PCDHGB2: variants seen among roughly 807,000 people sequenced by gnomAD.
The protein encoded by PCDHGB2 is protocadherin gamma-B2.
A neutral mutation model predicts 59.3 loss-of-function variants in PCDHGB2; 55 were observed. That is an observed-to-expected ratio of 0.93 (90% confidence interval 0.75 to 1.16). The LOEUF is 1.16. PCDHGB2 is among the 50% of genes most tolerant of loss of function. PCDHGB2 has a pLI of 0.00. For synonymous variants in PCDHGB2, 516 were observed against 512.0 expected, an observed-to-expected ratio of 1.01 and a Z score of -0.11; for missense variants, 1,228 against 1,198.5, an observed-to-expected ratio of 1.02 and a Z score of -0.36.
chr5:141,383,352 G>T lies in PCDHGB2; in HGVS notation c.2421+20796G>T, dbSNP rs115561507. On this transcript the variant is annotated intron_variant, in intron 1 of 3. Coordinates refer to ENST00000522605, the MANE Select transcript of PCDHGB2 (RefSeq NM_018923.3). ...TGGAGAATACAGCTCCTGGGGTTCG[G>T]TTTCCGTTAAGCGAGGCTGGGGATC... The T allele has an allele frequency of 9.3e-4, 1,504 of 1,614,018 alleles. 9 individuals carry two copies. In the African/African-American group the frequency reaches 0.016, roughly 17 times the overall value.
chr5:141,372,258 C>T (rs762173867), intron 1 of PCDHGB2: 1 of 1,613,070 alleles, frequency 6.2e-7, no homozygotes, highest in African/African-American at 1.3e-5. Context: ...CCTGGGCCTG[C>T]GCACGGGTGA....
intron 1 of PCDHGB2, chr5:141,421,579 T>G (rs753573473): frequency 1.9e-6 from 3 of 1,613,816 alleles, no homozygotes; most frequent in Non-Finnish European, 2.5e-6. Context: ...CTTGAAGATT[T>G]ACGGAGTGGA....
intron 1 of PCDHGB2, chr5:141,413,618 A>C (rs1188549125): frequency 6.2e-7 from 1 of 1,613,916 alleles, no homozygotes; most frequent in Admixed American, 1.7e-5. Context: ...AAAATTAATG[A>C]AAATGTCGCT....
chr5:141,473,763 GGATTTGGT>G (rs1358359618), intron 1 of PCDHGB2, among the ~76,000 whole-genome samples: 73 of 152,322 alleles, frequency 4.8e-4, no homozygotes, highest in African/African-American at 1.7e-3. Context: ...ACTATGCAAA[GGATTTGGT>G]ATTTTAATTC....
At position 141,477,269 on chromosome 5, in the gene PCDHGB2, G is replaced by A; in HGVS notation, c.2422-17538G>A. On this transcript the variant is annotated intron_variant, in intron 1 of 3. Coordinates refer to ENST00000522605, the MANE Select transcript of PCDHGB2 (RefSeq NM_018923.3). This position sits in a 1 kb window ranked among gnomAD's most constrained non-coding sequence, Gnocchi z 4.9. Reference sequence around the variant, plus strand: ...GACTGACCTGGATGCTGGCGAGAACGGGCTGGTGACCTGCGAAGTTCCACC... The same window carrying A: ...GACTGACCTGGATGCTGGCGAGAACAGGCTGGTGACCTGCGAAGTTCCACC... 1.9e-6 allele frequency: 3 copies of A among 1,614,154 alleles called. No individual in the cohort carries two copies. Among genetic ancestry groups the A allele is most frequent in the Non-Finnish European group, 2.5e-6 (3 of 1,180,030 alleles).
rs1413288410 is a variant in PCDHGB2 at position 141,392,726 on chromosome 5, T to C, written c.2421+30170T>C. On this transcript the variant is annotated intron_variant, in intron 1 of 3. Transcript: ENST00000522605. The stretch of plus-strand genomic sequence containing the variant: ...GGAGGCACTCCAGGTTTCCGGAGGA[T>C]TGTCATCTCCATAGCTGCGGCAAGA... 4.3e-6 allele frequency: 6 copies of C among 1,399,264 alleles called. No individual in the cohort carries two copies. The African/African-American group carries it at 8.7e-5, about 20-fold the overall frequency. 86.7% of individuals were successfully genotyped at this position (1,399,264 alleles called of 1,614,324 possible).
intron 1 of PCDHGB2, among the ~76,000 whole-genome samples, chr5:141,424,873 A>G (rs549945556): frequency 3.9e-5 from 6 of 152,198 alleles, no homozygotes; most frequent in Non-Finnish European, 8.8e-5. Context: ...CAAATGAGGA[A>G]AGGAGACTTA....
At chr5:141,390,922 A>G (rs935110449) in intron 1 of PCDHGB2, 8 of 152,482 alleles carry the variant, frequency 5.2e-5, no homozygotes, top group Non-Finnish European at 1.0e-4. Context: ...AAGGTCTACT[A>G]TGCTCATTAG....
At chr5:141,416,698 A>G (rs2096053724) in intron 1 of PCDHGB2, 1 of 152,250 alleles carries the variant, frequency 6.6e-6, no homozygotes, top group Non-Finnish European at 1.5e-5. Context: ...TAAACAAAGG[A>G]TCATTGGAGG....
chr5:141,393,815 C>T (rs2092850609), intron 1 of PCDHGB2: 1 of 1,613,922 alleles, frequency 6.2e-7, no homozygotes, highest in Non-Finnish European at 8.5e-7. Context: ...CCAAATTGCT[C>T]ATTTCGGTGG....
At chr5:141,507,932 G>C (rs2099865030) in intron 3 of PCDHGB2, 1 of 152,338 alleles carries the variant, frequency 6.6e-6, no homozygotes, top group Admixed American at 6.5e-5. Context: ...TGCTGAGAGG[G>C]GTTAAGTAAG....
In PCDHGB2 at chr5:141,398,686, G is replaced by A. The variant is rs2093688431; in HGVS notation, c.2421+36130G>A. On this transcript the variant is annotated intron_variant, in intron 1 of 3. Coordinates refer to ENST00000522605, the MANE Select transcript of PCDHGB2 (RefSeq NM_018923.3). ...CTCATTAATAATTAAGGAGAAACAG[G>A]ATGGTAGTAAATACCCGGAACTGGC... 3 of 1,613,920 alleles carry A rather than the reference G, an allele frequency of 1.9e-6. No individual in the cohort carries two copies. The East Asian group carries it at 6.7e-5, about 36-fold the overall frequency.
Position 141,423,286 on chromosome 5 carries a change from ACCT to A in PCDHGB2, c.2421+60732_2421+60734del, listed in dbSNP as rs554024395. 8.7e-3 allele frequency: 13,966 copies of A among 1,613,746 alleles called. 98 individuals are homozygous for A. The highest frequency in any genetic ancestry group is 0.011 in the Middle Eastern group (68 of 6,062). ...CCTCGAGTCTCTGGCTAACTCTGAAACCTCAGACCTCTCGCTGTACTTGGTGGT... is the reference window on the plus strand; with the variant it reads ...CCTCGAGTCTCTGGCTAACTCTGAAACAGACCTCTCGCTGTACTTGGTGGT... On this transcript the variant is annotated intron_variant, in intron 1 of 3. Transcript: ENST00000522605.
intron 1 of PCDHGB2, chr5:141,427,307 T>C (rs745903769): frequency 4.4e-6 from 2 of 456,906 alleles, no homozygotes; most frequent in South Asian, 1.5e-5. Flanking sequence ...AGAATGACAA[T>C]GCCCCAGACG....
chr5:141,372,295 A>T (rs747911536), intron 1 of PCDHGB2: 2 of 1,613,304 alleles, frequency 1.2e-6, no homozygotes, highest in Non-Finnish European at 1.7e-6. Context: ...ACCTTGGGCG[A>T]CAGGGAGGCC....
intron 1 of PCDHGB2, among the ~76,000 whole-genome samples, chr5:141,438,397 C>A (rs950830331): frequency 6.6e-6 from 1 of 151,624 alleles, no homozygotes. Context: ...TCATCATTAA[C>A]TCTCTGAAGT....
Position 141,485,166 on chromosome 5 carries a change from C to T in PCDHGB2, c.2422-9641C>T, listed in dbSNP as rs1180453938. 2 of 1,606,374 alleles carry T rather than the reference C, an allele frequency of 1.2e-6. No individual in the cohort carries two copies. Among genetic ancestry groups the T allele is most frequent in the Non-Finnish European group, 8.5e-7 (1 of 1,174,214 alleles). ...CAGGAGCAAGTAGAGAATTAGCGGG[C>T]GGCAGCAATGCTCCGCAAGGTGAGA... On this transcript the variant is annotated intron_variant, in intron 1 of 3. Transcript: ENST00000522605. The surrounding 1 kb of genome is among the most constrained non-coding windows in gnomAD (Gnocchi z 5.7).
intron 1 of PCDHGB2, chr5:141,389,275 C>T (rs976237601): frequency 7.4e-6 from 12 of 1,614,004 alleles, no homozygotes; most frequent in Admixed American, 1.7e-5. Context: ...GAGAACAACC[C>T]GCCTGGAGCC....
At chr5:141,375,062 C>G in intron 1 of PCDHGB2, 1 of 1,613,996 alleles carries the variant, frequency 6.2e-7, no homozygotes, top group Non-Finnish European at 8.5e-7. Flanking sequence ...TGGGCCAGGT[C>G]TTCGAGACAG....
Sources: allele counts gnomAD v4.1 joint callset (sites outside exome capture counted in the v4.1 genomes callset), GRCh38; gene constraint gnomAD v4.1.1; non-coding constraint Gnocchi (gnomAD v3.1); transcripts MANE v1.5; gene names NCBI Gene and HGNC (gene_info 2026-07-23, HGNC 2026-07-21).